Variants in DMD observed in about 807,000 individuals in gnomAD.
DMD encodes the protein mutant dystrophin.
A neutral mutation model predicts 330.1 loss-of-function variants in DMD; 63 were observed. The ratio of observed to expected loss-of-function variants is 0.19; its 90% CI spans 0.16 to 0.24. DMD has a LOEUF of 0.24. Ranked by LOEUF, DMD falls within the 10% of genes least tolerant of loss-of-function variation. DMD has a pLI of 1.00. For missense variants in DMD, 3,344 were observed against 2,684.1 expected (o/e 1.25, Z -5.43); for synonymous variants, 1,223 against 959.8 (o/e 1.27, Z -5.07).
intron 54 of DMD, among the ~76,000 whole-genome samples, chrX:31,650,310 T>G (rs1302247017): frequency 9.6e-6 from 1 of 104,232 alleles, no homozygotes; most frequent in Non-Finnish European, 1.9e-5. Context: ...CAGGCCCCAA[T>G]GTAATAAAGG....
intron 21 of DMD, among the ~76,000 whole-genome samples, chrX:32,474,845 G>T (rs923853652): frequency 1.8e-5 from 2 of 111,560 alleles, no homozygotes; most frequent in African/African-American, 6.5e-5. Flanking sequence ...CTGTGCAAAA[G>T]CTTTTTAATT....
At chrX:32,722,598 T>C (rs1029427114) in intron 7 of DMD, among the ~76,000 whole-genome samples, 3 of 111,058 alleles carry the variant, frequency 2.7e-5, no homozygotes, top group Non-Finnish European at 5.7e-5. Flanking sequence ...ACATGGGATA[T>C]TTTCCCATAT....
At chrX:31,484,294 G>A (rs1391904480) in intron 57 of DMD, among the ~76,000 whole-genome samples, 2 of 111,753 alleles carry the variant, frequency 1.8e-5, no homozygotes, top group Non-Finnish European at 3.8e-5. Flanking sequence ...AGAGAAGTCA[G>A]TTCCTTTATG....
At chrX:32,696,347 G>A (rs1232386188) in intron 9 of DMD, among the ~76,000 whole-genome samples, 1 of 112,044 alleles carries the variant, frequency 8.9e-6, no homozygotes, top group Non-Finnish European at 1.9e-5. Context: ...TTCCTTTAGT[G>A]ACAGAATATA....
intron 12 of DMD, among the ~76,000 whole-genome samples, chrX:32,613,586 G>A (rs750446144): frequency 5.7e-4 from 62 of 109,501 alleles, no homozygotes; most frequent in Middle Eastern, 4.7e-3. Flanking sequence ...ATCAAGCTTG[G>A]CCAGCTTCAA....
At position 33,009,153 on chromosome X, in the gene DMD, CGTATATAT is replaced by C. The variant is rs2093502475; in HGVS notation, c.93+10978_93+10985del. On this transcript the variant is annotated intron_variant, in intron 2 of 78. Transcript: ENST00000357033. ...ATATGTATATATATGTGTATATATA[CGTATATAT>C]GTATATATATGTGTATATATACGTA... Among the ~76,000 whole-genome samples, 5 of 18,896 alleles carry C rather than the reference CGTATATAT, an allele frequency of 2.6e-4. 2 individuals are homozygous for C. The highest frequency in any genetic ancestry group is 1.6e-3 in the Admixed American group (3 of 1,897). The allele number at this position is 18,896 out of a possible 115,157, so 16.4% of individuals were successfully genotyped here.
intron 2 of DMD, among the ~76,000 whole-genome samples, chrX:32,956,405 T>TA (rs1020659918): frequency 3.5e-4 from 39 of 111,784 alleles, no homozygotes; most frequent in Admixed American, 5.7e-4. Flanking sequence ...GCTGTATTCC[T>TA]AGGTATTTTA....
At chrX:32,119,305 C>T (rs888298658) in intron 44 of DMD, among the ~76,000 whole-genome samples, 1 of 100,542 alleles carries the variant, frequency 9.9e-6, no homozygotes, top group Non-Finnish European at 2.0e-5. Flanking sequence ...GGGCACTTCA[C>T]CTGGATGACA....
At chrX:32,596,137 C>A (rs1320433449) in intron 12 of DMD, among the ~76,000 whole-genome samples, 3 of 110,493 alleles carry the variant, frequency 2.7e-5, no homozygotes, top group African/African-American at 9.9e-5. Flanking sequence ...CTCATCCCAC[C>A]CCCTTTCTCC....
At chrX:33,152,733 G>A (rs1415122482) in intron 1 of DMD, among the ~76,000 whole-genome samples, 4 of 111,337 alleles carry the variant, frequency 3.6e-5, no homozygotes, top group Admixed American at 2.9e-4. Flanking sequence ...TTACTGTTAA[G>A]TGTATTGCCA....
Position 31,422,047 on chromosome X carries a change from T to A in DMD, c.9084+22434A>T, listed in dbSNP as rs868784215. On this transcript the variant is annotated intron_variant, in intron 60 of 78. Transcript: ENST00000357033. ...CACACACATATATATATATATATTTTTTTTTTTCTTTTTCTTTTTGAGACA... is the reference window on the plus strand; with the variant it reads ...CACACACATATATATATATATATTTATTTTTTTCTTTTTCTTTTTGAGACA... 1.1e-3 allele frequency among the ~76,000 whole-genome samples: 96 copies of A among 84,796 alleles called. 2 individuals are homozygous for A. The highest frequency in any genetic ancestry group is 3.8e-3 in the African/African-American group (86 of 22,601). 73.6% of individuals were successfully genotyped at this position (84,796 alleles called of 115,157 possible). A position where few individuals can be genotyped will look rare whatever the true frequency, so the allele number is the denominator to read the frequency against.
At chrX:31,517,872 T>C (rs1299815650) in intron 55 of DMD, among the ~76,000 whole-genome samples, 2 of 109,285 alleles carry the variant, frequency 1.8e-5, no homozygotes, top group African/African-American at 6.7e-5. Context: ...TTATTTAAAG[T>C]TCTATTTCTC....
intron 61 of DMD, among the ~76,000 whole-genome samples, chrX:31,332,387 A>G (rs1162834999): frequency 8.9e-6 from 1 of 111,989 alleles, no homozygotes; most frequent in African/African-American, 3.2e-5. Flanking sequence ...TATAGTAGTT[A>G]TATTGTGGCA....
intron 2 of DMD, among the ~76,000 whole-genome samples, chrX:32,858,456 A>G (rs1488596115): frequency 1.8e-5 from 2 of 111,595 alleles, no homozygotes; most frequent in Non-Finnish European, 3.8e-5. Context: ...CAGCCTCCCA[A>G]GTAGCTGGGA....
At chrX:32,955,639 C>T (rs928976232) in intron 2 of DMD, among the ~76,000 whole-genome samples, 10 of 111,289 alleles carry the variant, frequency 9.0e-5, no homozygotes, top group Non-Finnish European at 1.3e-4. Context: ...TGGTATTGCC[C>T]GGGTTGTCTT....
intron 9 of DMD, among the ~76,000 whole-genome samples, chrX:32,686,533 G>A (rs774399432): frequency 3.2e-5 from 3 of 94,643 alleles, no homozygotes; most frequent in African/African-American, 4.2e-5. Flanking sequence ...CACTTCAGCC[G>A]GGGCAACAGA....
At chrX:31,890,489 C>T (rs2094230904) in intron 47 of DMD, among the ~76,000 whole-genome samples, 1 of 110,777 alleles carries the variant, frequency 9.0e-6, no homozygotes, top group Admixed American at 9.6e-5. Flanking sequence ...TTGCACTTAC[C>T]ACATTTCCAA....
At chrX:33,223,593 G>T (rs1469112895) in intron 1 of DMD, among the ~76,000 whole-genome samples, 1 of 111,982 alleles carries the variant, frequency 8.9e-6, no homozygotes, top group Non-Finnish European at 1.9e-5. Context: ...ACTCAAAATG[G>T]ATCAGAAACT....
At chrX:32,554,917 GAA>G (rs1221526532) in intron 16 of DMD, among the ~76,000 whole-genome samples, 1 of 27,513 alleles carries the variant, frequency 3.6e-5, no homozygotes, top group Non-Finnish European at 6.8e-5. Flanking sequence ...AAGAAAGAAA[GAA>G]AGAAAGAAAG....
Sources: gnomAD v4.1 joint callset for allele counts (sites outside exome capture counted in the v4.1 genomes callset) on GRCh38, gnomAD v4.1.1 for gene constraint, MANE v1.5 for transcripts, NCBI Gene and HGNC (gene_info 2026-07-23, HGNC 2026-07-21) for gene names.